The following CNPY1 variants were observed in gnomAD, a reference collection of about 807,000 sequenced individuals.
CNPY1 encodes canopy FGF signaling regulator 1, also known as protein canopy homolog 1.
In CNPY1, 14 loss-of-function variants were observed where a neutral mutation model predicts 14.4. That is an observed-to-expected ratio of 0.97 (90% CI 0.64 to 1.52). The LOEUF is 1.52. Ranked by LOEUF, CNPY1 falls within the 40% of genes most tolerant of loss-of-function variation. CNPY1 has a pLI of 0.00. For missense variants in CNPY1, 129 were observed against 131.5 expected (o/e 0.98, Z 0.09); for synonymous variants, 43 against 46.5 (o/e 0.92, Z 0.31).
chr7:155,515,517 G>T (rs533072107), intron 2 of CNPY1, among the ~76,000 whole-genome samples: 59 of 152,314 alleles, frequency 3.9e-4, no homozygotes, highest in Admixed American at 3.5e-3. Context: ...GGACCGCAGG[G>T]TGTCTGTGCA....
chr7:155,520,730 A>G (rs1796705499), intron 2 of CNPY1, among the ~76,000 whole-genome samples: 1 of 152,076 alleles, frequency 6.6e-6, no homozygotes. Flanking sequence ...ATGACATTAA[A>G]TGTCTTCCCT....
intron 2 of CNPY1, among the ~76,000 whole-genome samples, chr7:155,538,352 G>A (rs1034405201): frequency 3.3e-5 from 5 of 152,194 alleles, no homozygotes; most frequent in African/African-American, 1.2e-4. Flanking sequence ...ACTAGGGACT[G>A]TTGCCACCAA....
intron 2 of CNPY1, among the ~76,000 whole-genome samples, chr7:155,542,789 G>A (rs1797101505): frequency 6.6e-6 from 1 of 152,218 alleles, no homozygotes; most frequent in Non-Finnish European, 1.5e-5. Context: ...CCTTTCACTG[G>A]CTGCTCTCTG....
At chr7:155,539,344 A>G (rs1396061867) in intron 2 of CNPY1, among the ~76,000 whole-genome samples, 1 of 152,214 alleles carries the variant, frequency 6.6e-6, no homozygotes, top group Non-Finnish European at 1.5e-5. Context: ...CACAAAACAT[A>G]CTTTCCTTTT....
chr7:155,538,539 C>A (rs1797048829), intron 2 of CNPY1, among the ~76,000 whole-genome samples: 1 of 152,118 alleles, frequency 6.6e-6, no homozygotes, highest in South Asian at 2.1e-4. Flanking sequence ...CCAGGACAGG[C>A]CACGCCCCCA....
intron 2 of CNPY1, among the ~76,000 whole-genome samples, chr7:155,523,142 C>T (rs1796755555): frequency 6.6e-6 from 1 of 152,202 alleles, no homozygotes; most frequent in South Asian, 2.1e-4. Flanking sequence ...ACAGTTTTGA[C>T]AGCTTGTTTT....
intron 2 of CNPY1, among the ~76,000 whole-genome samples, chr7:155,543,221 G>A (rs1204302860): frequency 6.6e-6 from 1 of 152,182 alleles, no homozygotes; most frequent in Non-Finnish European, 1.5e-5. Context: ...GAACACCTCT[G>A]GCTTCAAGAC....
chr7:155,545,571 C>T (rs918275308), intron 2 of CNPY1, among the ~76,000 whole-genome samples: 6 of 152,138 alleles, frequency 3.9e-5, no homozygotes, highest in African/African-American at 9.7e-5. Context: ...GAACCACAGA[C>T]GCGCTATTTT....
Position 155,545,811 on chromosome 7 carries a change from C to G in CNPY1, c.99+20G>C. On this transcript the variant is annotated intron_variant, in intron 2 of 4. Coordinates refer to ENST00000636446, the MANE Select transcript of CNPY1 (RefSeq NM_001393663.1). ...CCATATCCGCAATTATACACTGGCA[C>G]ATAATATCTTTTCCACTACCTTTCT... 5.0e-6 allele frequency: 2 copies of G among 398,578 alleles called. No individual in the cohort carries two copies. The highest frequency in any genetic ancestry group is 8.8e-6 in the Non-Finnish European group (2 of 226,028). 24.7% of individuals were successfully genotyped at this position (398,578 alleles called of 1,614,324 possible).
At chr7:155,532,386 G>A (rs1796952408) in intron 2 of CNPY1, among the ~76,000 whole-genome samples, 1 of 152,084 alleles carries the variant, frequency 6.6e-6, no homozygotes, top group Non-Finnish European at 1.5e-5. Context: ...ACTTTGGGAG[G>A]CCGAGGCGGG....
intron 2 of CNPY1, among the ~76,000 whole-genome samples, chr7:155,524,587 T>C (rs937375068): frequency 7.2e-5 from 11 of 152,218 alleles, no homozygotes; most frequent in Non-Finnish European, 1.3e-4. Flanking sequence ...GAGAATCTAA[T>C]GCCTGATGAT....
At chr7:155,527,321 G>A (rs577441340) in intron 2 of CNPY1, among the ~76,000 whole-genome samples, 36 of 151,966 alleles carry the variant, frequency 2.4e-4, no homozygotes, top group Non-Finnish European at 1.2e-4. Context: ...TGCAGTGCTG[G>A]CAAGGGCAAG....
chr7:155,544,558 GCA>G (rs1797136740), intron 2 of CNPY1, among the ~76,000 whole-genome samples: 1 of 152,218 alleles, frequency 6.6e-6, no homozygotes, highest in Non-Finnish European at 1.5e-5. Context: ...TGGACACAAT[GCA>G]CACACAGACA....
intron 2 of CNPY1, among the ~76,000 whole-genome samples, chr7:155,522,936 C>T (rs369351365): frequency 6.2e-4 from 94 of 152,350 alleles, no homozygotes; most frequent in African/African-American, 2.2e-3. Context: ...TAAATCCAGC[C>T]TCCCTGTATG....
At chr7:155,509,405 G>A (rs938250537) in intron 2 of CNPY1, among the ~76,000 whole-genome samples, 3 of 152,148 alleles carry the variant, frequency 2.0e-5, no homozygotes, top group Non-Finnish European at 4.4e-5. Flanking sequence ...AAATCACTGA[G>A]CATGTAGCAA....
At chr7:155,520,501 G>A (rs1373983708) in intron 2 of CNPY1, among the ~76,000 whole-genome samples, 1 of 120,162 alleles carries the variant, frequency 8.3e-6, no homozygotes, top group Non-Finnish European at 1.6e-5. Context: ...GTAATAGCAT[G>A]ATCTTGGCTC....
At position 155,536,234 on chromosome 7, in the gene CNPY1, G is replaced by T. The variant is rs1195354856; in HGVS notation, c.99+9597C>A. 6.6e-6 allele frequency among the ~76,000 whole-genome samples: 1 copy of T among 152,132 alleles called. No homozygotes were observed. Among genetic ancestry groups the T allele is most frequent in the Non-Finnish European group, 1.5e-5 (1 of 68,020 alleles). On this transcript the variant is annotated intron_variant, in intron 2 of 4. Coordinates refer to ENST00000636446, the MANE Select transcript of CNPY1 (RefSeq NM_001393663.1). This position sits in a 1 kb window ranked among gnomAD's most constrained non-coding sequence, Gnocchi z 4.1. ...CCTGGAGTGAAGTCCCCAGGGAAGG[G>T]GAGGCTGTGGATGACTGATCACCCA...
At chr7:155,506,873 T>G in intron 4 of CNPY1, 147 bp downstream of exon 4, 46 of 632,974 alleles carry the variant, frequency 7.3e-5, no homozygotes, top group Non-Finnish European at 7.6e-5. Flanking sequence ...ATGCTGTCGT[T>G]TCTGATTCAG....
At chr7:155,503,588 C>T (rs1490436145) in intron 4 of CNPY1, among the ~76,000 whole-genome samples, 1 of 152,168 alleles carries the variant, frequency 6.6e-6, no homozygotes, top group East Asian at 1.9e-4. Context: ...AAAAAATATG[C>T]TAGCCTTTGA....
Sources: gnomAD v4.1 joint callset for allele counts (sites outside exome capture counted in the v4.1 genomes callset) on GRCh38, gnomAD v4.1.1 for gene constraint, Gnocchi (gnomAD v3.1) non-coding constraint, MANE v1.5 for transcripts, NCBI Gene and HGNC (gene_info 2026-07-23, HGNC 2026-07-21) for gene names.